RFPL1: variants seen among roughly 807,000 people sequenced by gnomAD.
RFPL1 encodes ret finger protein like 1.
A neutral mutation model predicts 9.6 loss-of-function variants in RFPL1; 6 were observed. That is an observed-to-expected ratio of 0.62 (90% confidence interval 0.34 to 1.23). The LOEUF is 1.23. Ranked by LOEUF, RFPL1 falls within the 50% of genes most tolerant of loss-of-function variation. The pLI is 0.03. For missense variants in RFPL1, 352 were observed against 398.4 expected, an observed-to-expected ratio of 0.88 and a Z score of 0.99; for synonymous variants, 145 against 149.4, an observed-to-expected ratio of 0.97 and a Z score of 0.22.
At chr22:29,402,685 G>T in the RFPL1 span, among the ~76,000 whole-genome samples, 2 of 150,148 alleles carry the variant, frequency 1.3e-5, no homozygotes, top group Admixed American at 1.3e-4. Context: ...AACTACATTT[G>T]GTGAGCAAAC....
the RFPL1 span, among the ~76,000 whole-genome samples, chr22:29,426,672 C>A: frequency 7.2e-5 from 11 of 152,288 alleles, no homozygotes; most frequent in African/African-American, 2.4e-4. Context: ...TTGCTTCAAC[C>A]CGGAGGCGGA....
At chr22:29,395,573 T>A in the RFPL1 span, among the ~76,000 whole-genome samples, 1 of 152,134 alleles carries the variant, frequency 6.6e-6, no homozygotes, top group Admixed American at 6.5e-5. Context: ...CAGTAGCAAA[T>A]TCCTGCTCAG....
At chr22:29,415,849 T>C in the RFPL1 span, among the ~76,000 whole-genome samples, 3 of 152,212 alleles carry the variant, frequency 2.0e-5, no homozygotes, top group Admixed American at 6.5e-5. Flanking sequence ...CACACCATTG[T>C]CTGTGATCTA....
chr22:29,392,204 C>T, the RFPL1 span, among the ~76,000 whole-genome samples: 5 of 151,842 alleles, frequency 3.3e-5, no homozygotes, highest in African/African-American at 1.2e-4. Context: ...CTCAGCCTCT[C>T]GAGTCGCTGG....
chr22:29,390,510 G>C, the RFPL1 span, among the ~76,000 whole-genome samples: 3 of 152,076 alleles, frequency 2.0e-5, no homozygotes, highest in African/African-American at 7.2e-5. Flanking sequence ...TATATCTGCA[G>C]TATAATAGCA....
At position 29,441,919 on chromosome 22, in the gene RFPL1, A is replaced by G. The variant is rs1208438023; in HGVS notation, c.751A>G (p.Met251Val). The G allele has an allele frequency of 6.2e-7, 1 of 1,613,146 alleles. No individual in the cohort carries two copies. Among genetic ancestry groups the G allele is most frequent in the Non-Finnish European group, 8.5e-7 (1 of 1,179,344 alleles). Reference sequence around the variant, plus strand: ...ACAGCGAGTGGGGATTTTTCTGGATATGGGCATGCAGAACGTTTCCTTTTT... The same window carrying G: ...ACAGCGAGTGGGGATTTTTCTGGATGTGGGCATGCAGAACGTTTCCTTTTT... Residue 251 changes from methionine to valine, a missense_variant, in exon 2 of 2, where the codon ATG (methionine) becomes GTG (valine). By Grantham distance (21) the Met-to-Val change is conservative. Transcript: ENST00000354373.
At chr22:29,439,824 C>T (rs2062829406) in intron 1 of RFPL1, 2 of 152,426 alleles carry the variant, frequency 1.3e-5, no homozygotes, top group Admixed American at 1.3e-4. Context: ...TTCTCTCTAG[C>T]AAAGGTTCCC....
chr22:29,416,053 T>C, the RFPL1 span, among the ~76,000 whole-genome samples: 1 of 152,184 alleles, frequency 6.6e-6, no homozygotes, highest in Non-Finnish European at 1.5e-5. Context: ...ACCAAGAGAT[T>C]GGGGTTACCA....
chr22:29,408,262 A>T, the RFPL1 span, among the ~76,000 whole-genome samples: 2 of 152,182 alleles, frequency 1.3e-5, no homozygotes, highest in African/African-American at 4.8e-5. Flanking sequence ...TTTCTGTATT[A>T]AACTGTTCTT....
the RFPL1 span, among the ~76,000 whole-genome samples, chr22:29,416,175 A>C: frequency 6.6e-6 from 1 of 152,228 alleles, no homozygotes; most frequent in Non-Finnish European, 1.5e-5. Flanking sequence ...TCAAAGGGAA[A>C]ACCTGATCCA....
chr22:29,432,541 C>T, the RFPL1 span, among the ~76,000 whole-genome samples: 2 of 152,210 alleles, frequency 1.3e-5, no homozygotes, highest in African/African-American at 2.4e-5. Context: ...TAGCGTCTCT[C>T]GGTCGCCGGC....
At chr22:29,410,218 TATATATATATAG>T in the RFPL1 span, among the ~76,000 whole-genome samples, 17 of 138,600 alleles carry the variant, frequency 1.2e-4, no homozygotes, top group African/African-American at 4.6e-4. Context: ...AGTATATCTA[TATATATATATAG>T]ATATATATAT....
At chr22:29,412,655 T>G in the RFPL1 span, among the ~76,000 whole-genome samples, 2 of 152,162 alleles carry the variant, frequency 1.3e-5, no homozygotes, top group African/African-American at 4.8e-5. Context: ...AGCTCAGTCC[T>G]GGGGAAGACA....
exon 1 of RFPL1, chr22:29,438,612 G>C: frequency 1.4e-6 from 2 of 1,439,508 alleles, no homozygotes; most frequent in Non-Finnish European, 1.8e-6. Flanking sequence ...CTCAGTTGCT[G>C]GGTCACCAGT....
the RFPL1 span, among the ~76,000 whole-genome samples, chr22:29,396,561 A>C: frequency 6.6e-6 from 1 of 152,238 alleles, no homozygotes; most frequent in Non-Finnish European, 1.5e-5. Context: ...TGTAGAGATT[A>C]AATTGTAGAA....
At chr22:29,405,493 G>C in the RFPL1 span, among the ~76,000 whole-genome samples, 7 of 152,330 alleles carry the variant, frequency 4.6e-5, no homozygotes, top group African/African-American at 1.7e-4. Context: ...GGATAATAGA[G>C]CAGGTGAGTA....
chr22:29,389,814 T>G, the RFPL1 span, among the ~76,000 whole-genome samples: 1 of 152,148 alleles, frequency 6.6e-6, no homozygotes, highest in Non-Finnish European at 1.5e-5. Flanking sequence ...GTTTGTTTGT[T>G]TTGAGACAGG....
the RFPL1 span, among the ~76,000 whole-genome samples, chr22:29,422,506 G>A: frequency 1.2e-4 from 18 of 152,350 alleles, no homozygotes; most frequent in East Asian, 2.7e-3. Flanking sequence ...GAACCCAGGA[G>A]GCAGAGGTTG....
At chr22:29,400,057 G>T in the RFPL1 span, among the ~76,000 whole-genome samples, 1 of 148,500 alleles carries the variant, frequency 6.7e-6, no homozygotes, top group African/African-American at 2.5e-5. Context: ...GTGCAGTGGC[G>T]CGATCTCGGC....
Sources: gnomAD v4.1 joint callset for allele counts (sites outside exome capture counted in the v4.1 genomes callset) on GRCh38, gnomAD v4.1.1 for gene constraint, MANE v1.5 for transcripts, NCBI Gene and HGNC (gene_info 2026-07-23, HGNC 2026-07-21) for gene names.